LCN12: variants seen among roughly 807,000 people sequenced by gnomAD.
LCN12 encodes lipocalin 12.
In LCN12, 15 loss-of-function variants were observed where a neutral mutation model predicts 23.7. The observed-to-expected ratio is 0.63, with a 90% CI of 0.42 to 0.97. LCN12 has a LOEUF of 0.97. Ranked by LOEUF, LCN12 falls within the 50% of genes least tolerant of loss-of-function variation. The pLI is 0.00. For missense variants in LCN12, 219 were observed against 249.6 expected (o/e 0.88, Z 0.83); for synonymous variants, 116 against 111.5 (o/e 1.04, Z -0.25).
Position 136,954,135 on chromosome 9 carries a change from T to A in LCN12, c.449-19T>A. On this transcript the variant is annotated intron_variant, in intron 4 of 5. Coordinates refer to ENST00000371633, the MANE Select transcript of LCN12 (RefSeq NM_178536.4). ...CCCTGCCAAGTGCACAGACCCATGC[T>A]GGGCTCCCTGGGCTGCAGGCAGGAG... The A allele has an allele frequency of 6.5e-7, 1 of 1,537,308 alleles. No homozygotes were observed.
chr9:136,954,243 C>A lies in LCN12; in HGVS notation c.538C>A (p.Pro180Thr). Reference sequence around the variant, plus strand: ...CCTCTCGGATGACAACATCGTCTTCCCAGATGTGACTGGTAACATGGTTCA... The same window carrying A: ...CCTCTCGGATGACAACATCGTCTTCACAGATGTGACTGGTAACATGGTTCA... ...QGLSDDNIVFPDVTGWSPQAS... is the reference protein window; with the variant it reads ...QGLSDDNIVFTDVTGWSPQAS... Residue 180 changes from proline to threonine, a missense_variant, in exon 5 of 6, where the codon CCA becomes ACA. Coordinates refer to ENST00000371633, the MANE Select transcript of LCN12 (RefSeq NM_178536.4). The A allele has an allele frequency of 6.4e-7, 1 of 1,568,900 alleles. No individual in the cohort carries two copies. Among genetic ancestry groups the A allele is most frequent in the Admixed American group, 1.8e-5 (1 of 54,162 alleles).
Position 136,955,208 on chromosome 9 carries a change from C to G in LCN12, c.551-163C>G. The G allele has an allele frequency of 2.1e-6, 3 of 1,424,356 alleles. No homozygotes were observed. In the South Asian group the frequency reaches 4.6e-5, roughly 22 times the overall value. 88.2% of individuals were successfully genotyped at this position (1,424,356 alleles called of 1,614,324 possible). A position where few individuals can be genotyped will look rare whatever the true frequency, so the allele number is the denominator to read the frequency against. ...CATCTTCTGCCCCTTCTCAGCCTCC[C>G]TCACCCCAGCCCCTTCCCCTAGACC... On this transcript the variant is annotated intron_variant, in intron 5 of 5. Coordinates refer to ENST00000371633, the MANE Select transcript of LCN12 (RefSeq NM_178536.4).
intron 1 of LCN12, 135 bp downstream of exon 1, chr9:136,952,576 C>A (rs1851183837): frequency 1.4e-6 from 1 of 690,338 alleles, no homozygotes; most frequent in Admixed American, 2.8e-5. Context: ...CAGGCGGGCC[C>A]CTGACCTCCA....
At chr9:136,953,432 C>T (rs1851222998) in intron 2 of LCN12, 2 of 473,014 alleles carry the variant, frequency 4.2e-6, no homozygotes, top group Non-Finnish European at 7.6e-6. Flanking sequence ...GTGGCGCACA[C>T]CTGTAATCCC....
intron 5 of LCN12, chr9:136,955,134 G>A: frequency 7.1e-7 from 1 of 1,418,418 alleles, no homozygotes; most frequent in Non-Finnish European, 9.2e-7. Flanking sequence ...ACAGGGACAG[G>A]TGAGGGGCTT....
rs2292921 is a variant in LCN12, at chr9:136,955,172, G to A, written c.551-199G>A. The A allele has an allele frequency of 3.0e-5, 42 of 1,415,878 alleles. No homozygotes were observed. In the East Asian group the frequency reaches 8.3e-4, roughly 28 times the overall value. 87.7% of individuals were successfully genotyped at this position (1,415,878 alleles called of 1,614,324 possible). A position where few individuals can be genotyped will look rare whatever the true frequency, so the allele number is the denominator to read the frequency against. Reference sequence around the variant, plus strand: ...TGAGGACCTGGGGCTGTTGGGAGCCGCTGTGGGCCACATCTTCTGCCCCTT... The same window carrying A: ...TGAGGACCTGGGGCTGTTGGGAGCCACTGTGGGCCACATCTTCTGCCCCTT... On this transcript the variant is annotated intron_variant, in intron 5 of 5. Coordinates refer to ENST00000371633, the MANE Select transcript of LCN12 (RefSeq NM_178536.4).
chr9:136,954,050 C>A, intron 4 of LCN12, 86 bp downstream of exon 4: 3 of 1,549,806 alleles, frequency 1.9e-6, no homozygotes, highest in Non-Finnish European at 1.7e-6. Flanking sequence ...CCTCCCCACC[C>A]CGCCTGGAGT....
At chr9:136,950,998 AG>A (rs1408706485), upstream of LCN12, among the ~76,000 whole-genome samples, 3 of 121,244 alleles carry the variant, frequency 2.5e-5, no homozygotes, top group South Asian at 3.0e-4. Flanking sequence ...CTGGGGTGGG[AG>A]GGGGCAGCCA....
At chr9:136,950,442 T>G (rs1235284360), upstream of LCN12, among the ~76,000 whole-genome samples, 1 of 151,954 alleles carries the variant, frequency 6.6e-6, no homozygotes, top group Non-Finnish European at 1.5e-5. Context: ...TCAGTCTCTG[T>G]GGGTCTCGGG....
intron 5 of LCN12, chr9:136,954,539 TG>T (rs1851270825): frequency 7.4e-6 from 1 of 135,562 alleles, no homozygotes. Context: ...CACCTCCCCC[TG>T]CCCCTCCCGC....
At chr9:136,954,962 C>T in intron 5 of LCN12, 2 of 1,285,926 alleles carry the variant, frequency 1.6e-6, no homozygotes, top group South Asian at 1.5e-5. Flanking sequence ...TGGCACATGC[C>T]TCCACATGCG....
chr9:136,952,644 C>G (rs1296149943), intron 1 of LCN12: 1 of 627,752 alleles, frequency 1.6e-6, no homozygotes, highest in East Asian at 2.7e-5. Context: ...TCAGCCCAGC[C>G]CATCGCTCCC....
At chr9:136,954,534 C>G (rs1428620516) in intron 5 of LCN12, 1 of 461,308 alleles carries the variant, frequency 2.2e-6, no homozygotes, top group African/African-American at 2.1e-5. Context: ...CGGGCCACCT[C>G]CCCCTGCCCC....
At chr9:136,952,862 C>T (rs943857607) in intron 1 of LCN12, 30 bp from the exon 2 acceptor site, 30 of 1,591,726 alleles carry the variant, frequency 1.9e-5, no homozygotes, top group African/African-American at 8.0e-5. Flanking sequence ...CCCTGCCCAC[C>T]GCCGCCCCTG....
At chr9:136,951,176 G>A (rs2131372970), upstream of LCN12, 1 of 152,802 alleles carries the variant, frequency 6.5e-6, no homozygotes. Flanking sequence ...CCACTCCCTA[G>A]CCCCATCGTC....
chr9:136,954,328 G>C, intron 5 of LCN12, 73 bp downstream of exon 5: 2 of 1,485,726 alleles, frequency 1.3e-6, no homozygotes, highest in Non-Finnish European at 1.8e-6. Context: ...GTTGACCCTA[G>C]AGGAGCTGGA....
intron 5 of LCN12, 93 bp downstream of exon 5, chr9:136,954,348 T>C (rs1851260260): frequency 7.3e-7 from 1 of 1,372,346 alleles, no homozygotes; most frequent in Non-Finnish European, 1.0e-6. Context: ...ACCCAGTGTC[T>C]ACCCAGGGAG....
chr9:136,952,589 A>C, intron 1 of LCN12, 148 bp downstream of exon 1: 2 of 655,804 alleles, frequency 3.0e-6, no homozygotes, highest in Middle Eastern at 4.1e-4. Flanking sequence ...GACCTCCAGC[A>C]GAGGAGGGCC....
At position 136,954,210 on chromosome 9, in the gene LCN12, G is replaced by A; in HGVS notation, c.505G>A (p.Ala169Thr). Residue 169 changes from alanine (A) to threonine (T), a missense_variant, in exon 5 of 6, where the codon GCT becomes ACT. Ala to Thr is a moderately conservative substitution (Grantham distance 58, BLOSUM62 0). Transcript: ENST00000371633. ...TLDQFICLGR[A>T]QGLSDDNIVF... The stretch of plus-strand genomic sequence containing the variant: ...GGACCAGTTCATCTGCCTGGGCAGA[G>A]CTCAGGGCCTCTCGGATGACAACAT... 1.3e-6 allele frequency: 2 copies of A among 1,578,144 alleles called. No individual in the cohort carries two copies. Among genetic ancestry groups the A allele is most frequent in the Non-Finnish European group, 1.7e-6 (2 of 1,161,376 alleles).
Sources: gnomAD v4.1 joint callset for allele counts (sites outside exome capture counted in the v4.1 genomes callset) on GRCh38, gnomAD v4.1.1 for gene constraint, MANE v1.5 for transcripts, NCBI Gene and HGNC (gene_info 2026-07-23, HGNC 2026-07-21) for gene names.